Variants in MGAT4C observed in about 807,000 individuals in gnomAD.
MGAT4C encodes the protein MGAT4 family member C.
MGAT4C carries 19 observed loss-of-function variants against 40.1 expected under a neutral mutation model. The observed-to-expected ratio is 0.47, with a 90% CI of 0.33 to 0.70. The LOEUF (loss-of-function observed/expected upper bound fraction) is 0.70. Ranked by LOEUF, MGAT4C falls within the 30% of genes least tolerant of loss-of-function variation. MGAT4C has a pLI of 0.02. For missense variants in MGAT4C, 491 were observed against 563.2 expected (o/e 0.87, Z 1.30); for synonymous variants, 181 against 187.1 (o/e 0.97, Z 0.27).
At chr12:86,329,286 G>A (rs1247581941) in intron 4 of MGAT4C, among the ~76,000 whole-genome samples, 2 of 152,226 alleles carry the variant, frequency 1.3e-5, no homozygotes, top group South Asian at 2.1e-4. Context: ...GCTCACGCCT[G>A]TAATCCCAGC....
At chr12:86,190,998 C>G (rs2135899857) in intron 1 of MGAT4C, among the ~76,000 whole-genome samples, 1 of 151,720 alleles carries the variant, frequency 6.6e-6, no homozygotes, top group South Asian at 2.1e-4. Flanking sequence ...AGCTGAGTTT[C>G]CAGCCTGCTG....
chr12:86,105,581 C>T (rs924445870), intron 1 of MGAT4C, among the ~76,000 whole-genome samples: 1 of 152,108 alleles, frequency 6.6e-6, no homozygotes, highest in African/African-American at 2.4e-5. Context: ...GTAAGAAATA[C>T]CAGCAAGCTA....
At chr12:86,829,023 G>T (rs1952865592) in intron 1 of MGAT4C, among the ~76,000 whole-genome samples, 1 of 151,506 alleles carries the variant, frequency 6.6e-6, no homozygotes, top group Admixed American at 6.6e-5. Context: ...GCTATTTAAA[G>T]GAAGGTGCAT....
At chr12:86,159,273 G>A (rs754140066) in intron 1 of MGAT4C, among the ~76,000 whole-genome samples, 25 of 151,976 alleles carry the variant, frequency 1.6e-4, no homozygotes, top group Admixed American at 3.3e-4. Flanking sequence ...ATCATTTTCC[G>A]AGTATTGAGA....
At position 86,228,675 on chromosome 12, in the gene MGAT4C, T is replaced by A. The variant is rs910175658; in HGVS notation, c.-57+27564A>T. On this transcript the variant is annotated intron_variant, in intron 1 of 4. Coordinates refer to ENST00000611864, the MANE Select transcript of MGAT4C (RefSeq NM_001351288.2). ...ATTTGCATTTGTGAAAAAAAAAATT[T>A]CTTATGCTGATAAATCCTGTTTTCT... Among the ~76,000 whole-genome samples, 13 of 151,996 alleles carry A rather than the reference T, an allele frequency of 8.6e-5. No homozygotes were observed. The South Asian group carries it at 2.3e-3, about 27-fold the overall frequency.
intron 1 of MGAT4C, among the ~76,000 whole-genome samples, chr12:86,731,521 T>C (rs974430743): frequency 3.3e-5 from 5 of 152,238 alleles, no homozygotes; most frequent in Non-Finnish European, 5.9e-5. Flanking sequence ...TTTTGCCCTT[T>C]TCTTATTTTT....
chr12:86,097,973 T>A (rs1874254068), intron 1 of MGAT4C, among the ~76,000 whole-genome samples: 1 of 151,624 alleles, frequency 6.6e-6, no homozygotes, highest in South Asian at 2.1e-4. Flanking sequence ...CAACCTGTCA[T>A]TTGACACTCA....
chr12:86,797,050 T>C (rs1952136240), intron 1 of MGAT4C, among the ~76,000 whole-genome samples: 1 of 151,842 alleles, frequency 6.6e-6, no homozygotes. Flanking sequence ...CCAGAATGAG[T>C]ATGATTATTT....
At chr12:86,647,086 C>T (rs1208748801) in intron 2 of MGAT4C, among the ~76,000 whole-genome samples, 1 of 151,800 alleles carries the variant, frequency 6.6e-6, no homozygotes, top group Non-Finnish European at 1.5e-5. Flanking sequence ...ATGGAAACAT[C>T]GGCCCAACTG....
intron 2 of MGAT4C, among the ~76,000 whole-genome samples, chr12:86,578,861 T>C (rs556092801): frequency 7.9e-5 from 12 of 151,774 alleles, no homozygotes; most frequent in Non-Finnish European, 1.6e-4. Flanking sequence ...CTCTGATCTT[T>C]ATTTTTTTCT....
intron 1 of MGAT4C, among the ~76,000 whole-genome samples, chr12:86,250,330 TGAGAGAGAGAGAGAGAGAGAGA>T (rs3047014): frequency 7.0e-6 from 1 of 142,836 alleles, no homozygotes; most frequent in African/African-American, 2.6e-5. Flanking sequence ...ACACACACAC[TGAGAGAGAGAGAGAGAGAGAGA>T]GAGAGAGAGA....
At chr12:86,370,215 T>C (rs1173025873) in intron 3 of MGAT4C, among the ~76,000 whole-genome samples, 3 of 151,978 alleles carry the variant, frequency 2.0e-5, no homozygotes, top group Admixed American at 2.0e-4. Context: ...ACTCATAATA[T>C]AGTGTACTAA....
At chr12:86,527,688 T>C (rs1029924317) in intron 2 of MGAT4C, among the ~76,000 whole-genome samples, 1 of 152,214 alleles carries the variant, frequency 6.6e-6, no homozygotes, top group Non-Finnish European at 1.5e-5. Context: ...AGTTGTCTAG[T>C]TTTTCTTATA....
chr12:86,586,417 G>T (rs1407898558), intron 2 of MGAT4C, among the ~76,000 whole-genome samples: 2 of 51,166 alleles, frequency 3.9e-5, no homozygotes, highest in Non-Finnish European at 9.9e-5. Flanking sequence ...ACATACGTGT[G>T]CATGTATCTT....
At position 86,463,312 on chromosome 12, in the gene MGAT4C, T is replaced by G. The variant is rs557978963; in HGVS notation, c.-228-28047A>C. Among the ~76,000 whole-genome samples the G allele has an allele frequency of 9.2e-5, 14 of 152,252 alleles. No individual in the cohort carries two copies. In the South Asian group the frequency reaches 2.1e-3, roughly 23 times the overall value. On this transcript the variant is annotated intron_variant, in intron 2 of 7. Transcript: ENST00000548651. ...ATGAACTACTCTACCAGCTATAGTC[T>G]TTTGCTTGGGATCTTATCTTGCATG...
chr12:86,778,170 A>G, intron 1 of MGAT4C, among the ~76,000 whole-genome samples: 1 of 152,316 alleles, frequency 6.6e-6, no homozygotes, highest in East Asian at 1.9e-4. Context: ...ACGAAAGATA[A>G]GGATAATGTA....
At chr12:86,706,793 C>G (rs965367160) in intron 2 of MGAT4C, among the ~76,000 whole-genome samples, 2 of 152,152 alleles carry the variant, frequency 1.3e-5, no homozygotes, top group Admixed American at 1.3e-4. Context: ...TTGAAATACT[C>G]TTGATATGAT....
chr12:86,713,531 TA>T (rs761161026), intron 2 of MGAT4C, among the ~76,000 whole-genome samples: 2 of 152,120 alleles, frequency 1.3e-5, no homozygotes, highest in African/African-American at 2.4e-5. Flanking sequence ...TAAAGATATG[TA>T]TTTTTAACTT....
intron 3 of MGAT4C, among the ~76,000 whole-genome samples, chr12:86,411,425 C>A (rs113303031): frequency 6.6e-6 from 1 of 152,132 alleles, no homozygotes; most frequent in Non-Finnish European, 1.5e-5. Flanking sequence ...ACTCTTACTA[C>A]GATTTTGCAA....
Sources: gnomAD v4.1 joint callset for allele counts (sites outside exome capture counted in the v4.1 genomes callset) on GRCh38, gnomAD v4.1.1 for gene constraint, MANE v1.5 for transcripts, NCBI Gene and HGNC (gene_info 2026-07-23, HGNC 2026-07-21) for gene names.